The following BRINP1 variants were observed in gnomAD, a reference collection of about 807,000 sequenced individuals.
The protein encoded by BRINP1 is BMP/retinoic acid-inducible neural-specific protein 1.
In BRINP1, 17 loss-of-function variants were observed where a neutral mutation model predicts 72.9. The observed-to-expected ratio is 0.23, with a 90% CI of 0.16 to 0.35. BRINP1 has a LOEUF of 0.35. Ranked by LOEUF, BRINP1 falls within the 10% of genes least tolerant of loss-of-function variation. BRINP1 has a pLI of 1.00. For missense variants in BRINP1, 850 were observed against 1,001.6 expected, an observed-to-expected ratio of 0.85 and a Z score of 2.04; for synonymous variants, 418 against 378.5, an observed-to-expected ratio of 1.10 and a Z score of -1.21.
intron 1 of BRINP1, among the ~76,000 whole-genome samples, chr9:119,360,812 T>C (rs1264290659): frequency 2.0e-5 from 3 of 152,324 alleles, no homozygotes; most frequent in Admixed American, 1.3e-4. Flanking sequence ...CCAGGGCCAG[T>C]ACTGGGTTAA....
chr9:119,167,575 T>G lies in BRINP1; in HGVS notation c.1795A>C (p.Asn599His). Reference protein sequence around the residue: ...KIRLQNSQCYNWTLLLGNRWK... With the variant: ...KIRLQNSQCYHWTLLLGNRWK... Reference sequence around the variant, plus strand: ...CGATTGCCCAGCAAAAGAGTCCAGTTGTAGCACTGGCTGTTTTGGAGACGG... The same window carrying G: ...CGATTGCCCAGCAAAAGAGTCCAGTGGTAGCACTGGCTGTTTTGGAGACGG... The change falls in exon 8 of 8, where the codon AAC becomes CAC. Residue 599 changes from asparagine (N) to histidine (H), a missense_variant. By Grantham distance (68) the Asn-to-His change is moderately conservative. Coordinates refer to ENST00000265922, the MANE Select transcript of BRINP1 (RefSeq NM_014618.3). The surrounding 1 kb of genome is among the most constrained non-coding windows in gnomAD (Gnocchi z 4.3). The G allele has an allele frequency of 6.2e-7, 1 of 1,614,168 alleles. No homozygotes were observed. The highest frequency in any genetic ancestry group is 8.5e-7 in the Non-Finnish European group (1 of 1,180,020).
At chr9:119,177,373 G>A (rs1829501154) in intron 7 of BRINP1, among the ~76,000 whole-genome samples, 1 of 152,080 alleles carries the variant, frequency 6.6e-6, no homozygotes, top group African/African-American at 2.4e-5. Context: ...TCCCAAACCA[G>A]AACATTGACT....
intron 1 of BRINP1, among the ~76,000 whole-genome samples, chr9:119,350,253 C>T (rs1259278339): frequency 6.6e-6 from 1 of 152,144 alleles, no homozygotes; most frequent in Non-Finnish European, 1.5e-5. Flanking sequence ...AACAGGGGAA[C>T]TTTAACAAAA....
intron 7 of BRINP1, among the ~76,000 whole-genome samples, chr9:119,194,577 A>G (rs1452675245): frequency 6.6e-6 from 1 of 152,236 alleles, no homozygotes; most frequent in African/African-American, 2.4e-5. Flanking sequence ...AACTTGGAGA[A>G]GTCTGAAGTG....
At chr9:119,286,447 G>C (rs949925003) in intron 2 of BRINP1, among the ~76,000 whole-genome samples, 3 of 152,130 alleles carry the variant, frequency 2.0e-5, no homozygotes, top group Admixed American at 1.3e-4. Flanking sequence ...TGTTAGCCAG[G>C]ATGGTCTCCA....
chr9:119,312,519 G>T (rs1831078029), intron 2 of BRINP1, among the ~76,000 whole-genome samples: 1 of 152,190 alleles, frequency 6.6e-6, no homozygotes, highest in African/African-American at 2.4e-5. Context: ...CTCTAAGATG[G>T]TTCCAAAGAG....
chr9:119,216,620 C>G (rs1309289133), intron 5 of BRINP1, among the ~76,000 whole-genome samples: 2 of 152,120 alleles, frequency 1.3e-5, no homozygotes, highest in East Asian at 3.9e-4. Flanking sequence ...ATCCCAATCC[C>G]CCATAGGCAA....
intron 7 of BRINP1, among the ~76,000 whole-genome samples, chr9:119,169,891 G>C (rs545075644): frequency 6.6e-6 from 1 of 152,130 alleles, no homozygotes; most frequent in South Asian, 2.1e-4. Context: ...TCACAGGCAG[G>C]GTATTCCAAC....
chr9:119,220,001 G>T (rs1830023115), intron 5 of BRINP1, among the ~76,000 whole-genome samples: 1 of 152,040 alleles, frequency 6.6e-6, no homozygotes, highest in African/African-American at 2.4e-5. Flanking sequence ...TTCTGACTAA[G>T]GTTCGTCTTC....
intron 2 of BRINP1, among the ~76,000 whole-genome samples, chr9:119,252,540 A>G (rs1264405508): frequency 1.3e-5 from 2 of 149,686 alleles, no homozygotes; most frequent in East Asian, 3.9e-4. Context: ...ATAGAAAAAT[A>G]TATATAGTCA....
chr9:119,334,329 T>C (rs1831328581), intron 1 of BRINP1, among the ~76,000 whole-genome samples: 1 of 152,208 alleles, frequency 6.6e-6, no homozygotes, highest in African/African-American at 2.4e-5. Context: ...TCATTCGGTT[T>C]TCACAACACC....
chr9:119,321,332 C>G (rs1831184613), intron 1 of BRINP1, among the ~76,000 whole-genome samples: 1 of 152,194 alleles, frequency 6.6e-6, no homozygotes, highest in Non-Finnish European at 1.5e-5. Context: ...AGATTTAGAA[C>G]TGGAGACTGT....
intron 4 of BRINP1, among the ~76,000 whole-genome samples, chr9:119,240,698 G>T (rs550158592): frequency 1.3e-5 from 2 of 151,964 alleles, no homozygotes; most frequent in South Asian, 4.1e-4. Context: ...TTTGTTTGTT[G>T]GTCTGATTTA....
chr9:119,360,863 T>C (rs1831622062), intron 1 of BRINP1, among the ~76,000 whole-genome samples: 1 of 152,202 alleles, frequency 6.6e-6, no homozygotes, highest in African/African-American at 2.4e-5. Context: ...GGCCATTTGC[T>C]AAGAGCCCTG....
intron 5 of BRINP1, among the ~76,000 whole-genome samples, chr9:119,224,324 T>C (rs981073389): frequency 6.6e-6 from 1 of 152,084 alleles, no homozygotes; most frequent in Non-Finnish European, 1.5e-5. Flanking sequence ...TGAACCTGAA[T>C]AGTATATATG....
chr9:119,176,773 G>A (rs1367637414), intron 7 of BRINP1, among the ~76,000 whole-genome samples: 1 of 152,098 alleles, frequency 6.6e-6, no homozygotes, highest in Non-Finnish European at 1.5e-5. Flanking sequence ...TTTCACTATC[G>A]CTCTGGAGTT....
At chr9:119,256,519 T>A (rs1266221915) in intron 2 of BRINP1, among the ~76,000 whole-genome samples, 2 of 152,214 alleles carry the variant, frequency 1.3e-5, no homozygotes, top group East Asian at 3.8e-4. Flanking sequence ...AGCATGCACC[T>A]CCTCAAATTG....
intron 3 of BRINP1, among the ~76,000 whole-genome samples, chr9:119,243,323 C>T (rs1051610734): frequency 6.6e-6 from 1 of 152,052 alleles, no homozygotes; most frequent in African/African-American, 2.4e-5. Context: ...CTGTTCCTGC[C>T]TTAGTTTGGT....
chr9:119,260,028 AT>A (rs958527988), intron 2 of BRINP1, among the ~76,000 whole-genome samples: 1 of 152,188 alleles, frequency 6.6e-6, no homozygotes, highest in African/African-American at 2.4e-5. Flanking sequence ...ACCCTTAGTC[AT>A]TTTCCTATAA....
Sources: gnomAD v4.1 joint callset for allele counts (sites outside exome capture counted in the v4.1 genomes callset) on GRCh38, gnomAD v4.1.1 for gene constraint, Gnocchi (gnomAD v3.1) non-coding constraint, MANE v1.5 for transcripts, NCBI Gene and HGNC (gene_info 2026-07-23, HGNC 2026-07-21) for gene names.